SCAMP1: variants seen among roughly 807,000 people sequenced by gnomAD.
SCAMP1 encodes the protein secretory carrier-associated membrane protein 1.
A neutral mutation model predicts 41.8 loss-of-function variants in SCAMP1; 15 were observed. The ratio of observed to expected loss-of-function variants is 0.36; its 90% CI spans 0.24 to 0.55. The LOEUF is 0.55. SCAMP1 is among the 20% of genes least tolerant of loss of function. The pLI, the probability that SCAMP1 is intolerant of heterozygous loss-of-function variation, is 0.86. For missense variants in SCAMP1, 341 were observed against 412.6 expected (o/e 0.83, Z 1.50); for synonymous variants, 135 against 136.8 (o/e 0.99, Z 0.09).
intron 2 of SCAMP1, among the ~76,000 whole-genome samples, chr5:78,397,960 A>G (rs1212531107): frequency 6.6e-6 from 1 of 152,216 alleles, no homozygotes. Context: ...GAGTATTGGC[A>G]AGGATGTGGA....
At chr5:78,404,408 A>G (rs1751878690) in intron 2 of SCAMP1, among the ~76,000 whole-genome samples, 1 of 144,118 alleles carries the variant, frequency 6.9e-6, no homozygotes, top group Non-Finnish European at 1.5e-5. Context: ...CAGCCTCCCA[A>G]AGTGTCGGGA....
intron 1 of SCAMP1, among the ~76,000 whole-genome samples, chr5:78,386,567 A>C (rs1751347107): frequency 6.7e-6 from 1 of 148,886 alleles, no homozygotes; most frequent in South Asian, 2.1e-4. Flanking sequence ...TGTGAGATTT[A>C]TGCTTTAAGG....
intron 7 of SCAMP1, among the ~76,000 whole-genome samples, chr5:78,454,516 C>A (rs1753332034): frequency 6.6e-6 from 1 of 151,816 alleles, no homozygotes; most frequent in Non-Finnish European, 1.5e-5. Flanking sequence ...ACCAGCCTTG[C>A]ATCCCAGGGA....
intron 8 of SCAMP1, among the ~76,000 whole-genome samples, chr5:78,460,006 T>C (rs1753544478): frequency 6.6e-6 from 1 of 152,162 alleles, no homozygotes; most frequent in Non-Finnish European, 1.5e-5. Context: ...GAACATGCAG[T>C]ATTTGATTTT....
rs1466131537 is a variant in SCAMP1 at position 78,455,235 on chromosome 5, G to A, written c.735-4010G>A. ...TCTTGCCTTCTGCTAGCTTTTGAAC[G>A]TGTTTGCCCTTGCTTTTCTAGTTCT... On this transcript the variant is annotated intron_variant, in intron 7 of 8. Transcript: ENST00000621999. 3.3e-5 allele frequency among the ~76,000 whole-genome samples: 5 copies of A among 150,396 alleles called. No homozygotes were observed. The East Asian group carries it at 5.9e-4, about 18-fold the overall frequency.
intron 1 of SCAMP1, 33 bp from the exon 2 acceptor site, chr5:78,388,803 TA>T: frequency 1.8e-6 from 2 of 1,118,784 alleles, no homozygotes; most frequent in Non-Finnish European, 2.6e-6. Flanking sequence ...AAAGGATAAG[TA>T]ATCTTTTTTT....
chr5:78,431,284 T>C (rs987692993), intron 6 of SCAMP1, among the ~76,000 whole-genome samples: 14 of 151,836 alleles, frequency 9.2e-5, no homozygotes, highest in African/African-American at 3.1e-4. Flanking sequence ...TGTACTTTTT[T>C]TTTTTTTTAG....
chr5:78,381,083 T>G (rs570204455), intron 1 of SCAMP1, among the ~76,000 whole-genome samples: 88 of 152,106 alleles, frequency 5.8e-4, no homozygotes, highest in African/African-American at 1.9e-3. Context: ...AAAAAACTGT[T>G]TCTTGTTTCA....
intron 8 of SCAMP1, among the ~76,000 whole-genome samples, chr5:78,464,805 C>T (rs1358130556): frequency 1.3e-5 from 2 of 152,166 alleles, no homozygotes; most frequent in African/African-American, 2.4e-5. Context: ...CAGAACACTT[C>T]ACCAGTATTA....
intron 2 of SCAMP1, among the ~76,000 whole-genome samples, chr5:78,391,303 C>T (rs1403242072): frequency 3.1e-4 from 47 of 150,220 alleles, no homozygotes; most frequent in South Asian, 2.1e-3. Context: ...ACCTCCCTCC[C>T]GGACGGGGCG....
At chr5:78,392,943 T>G (rs1033672245) in intron 2 of SCAMP1, among the ~76,000 whole-genome samples, 1 of 152,322 alleles carries the variant, frequency 6.6e-6, no homozygotes, top group East Asian at 1.9e-4. Context: ...GGACAGTGTT[T>G]GTGAAACTGA....
At chr5:78,416,445 G>A in intron 3 of SCAMP1, 96 bp from the exon 4 acceptor site, 1 of 820,596 alleles carries the variant, frequency 1.2e-6, no homozygotes, top group Non-Finnish European at 1.9e-6. Context: ...TTTGAATTAG[G>A]TTTCTCTCAT....
chr5:78,468,056 G>C (rs1250816031), intron 8 of SCAMP1, among the ~76,000 whole-genome samples: 1 of 152,082 alleles, frequency 6.6e-6, no homozygotes, highest in Non-Finnish European at 1.5e-5. Context: ...AATGTGCTCT[G>C]TCCTATATAT....
chr5:78,375,537 C>T (rs1406550175), intron 1 of SCAMP1, among the ~76,000 whole-genome samples: 1 of 152,078 alleles, frequency 6.6e-6, no homozygotes, highest in African/African-American at 2.4e-5. Context: ...CCTTCAATTT[C>T]CCATTGGCTT....
chr5:78,398,034 T>C (rs1344480653), intron 2 of SCAMP1, among the ~76,000 whole-genome samples: 1 of 152,162 alleles, frequency 6.6e-6, no homozygotes. Context: ...TGGAAAACAG[T>C]TTGCTAGCTC....
chr5:78,360,680 T>G lies in SCAMP1; in HGVS notation c.9T>G (p.Asp3Glu). 6.2e-7 allele frequency: 1 copy of G among 1,610,018 alleles called. No homozygotes were observed. Among genetic ancestry groups the G allele is most frequent in the Non-Finnish European group, 8.5e-7 (1 of 1,178,352 alleles). Reference protein sequence around the residue: MSDFDSNPFADPD... With the variant: MSEFDSNPFADPD... Reference sequence around the variant, plus strand: ...CGCCGAGAGCCAGAGAGATGTCGGATTTCGACAGTAACCCGTTTGCCGACC... The same window carrying G: ...CGCCGAGAGCCAGAGAGATGTCGGAGTTCGACAGTAACCCGTTTGCCGACC... Residue 3 changes from aspartate (D) to glutamate (E), a missense_variant, in exon 1 of 9, where the codon GAT becomes GAG. Transcript: ENST00000621999.
At chr5:78,452,963 T>C (rs1462290403) in intron 7 of SCAMP1, among the ~76,000 whole-genome samples, 3 of 149,256 alleles carry the variant, frequency 2.0e-5, no homozygotes, top group Non-Finnish European at 4.4e-5. Flanking sequence ...TCATGTGTTT[T>C]TTGGCTGCAT....
intron 2 of SCAMP1, among the ~76,000 whole-genome samples, chr5:78,395,383 G>T (rs966045599): frequency 6.6e-6 from 1 of 152,110 alleles, no homozygotes; most frequent in African/African-American, 2.4e-5. Context: ...ATAAGGCTTG[G>T]CTTCTCTAGG....
chr5:78,412,738 G>A (rs115795274), intron 2 of SCAMP1, among the ~76,000 whole-genome samples: 174 of 152,018 alleles, frequency 1.1e-3, no homozygotes, highest in African/African-American at 3.6e-3. Flanking sequence ...CTAGTTTTTC[G>A]ATTAGTTTGT....
Sources: gnomAD v4.1 joint callset for allele counts (sites outside exome capture counted in the v4.1 genomes callset) on GRCh38, gnomAD v4.1.1 for gene constraint, MANE v1.5 for transcripts, NCBI Gene and HGNC (gene_info 2026-07-23, HGNC 2026-07-21) for gene names.